Variants in FMN1 observed in about 807,000 individuals in gnomAD.
FMN1 encodes formin 1.
FMN1 carries 110 observed loss-of-function variants against 132.4 expected under a neutral mutation model. The ratio of observed to expected loss-of-function variants is 0.83; its 90% CI spans 0.71 to 0.97. The LOEUF (loss-of-function observed/expected upper bound fraction) is 0.97, where lower values mean the gene tolerates loss of function less well. Ranked by LOEUF, FMN1 falls within the 50% of genes least tolerant of loss-of-function variation. The pLI is 0.00. For synonymous variants in FMN1, 722 were observed against 651.7 expected, an observed-to-expected ratio of 1.11 and a Z score of -1.64; for missense variants, 1,792 against 1,705.3, an observed-to-expected ratio of 1.05 and a Z score of -0.90.
chr15:32,793,913 T>A lies in FMN1; in HGVS notation c.4130+4891A>T, dbSNP rs117880368. Among the ~76,000 whole-genome samples the A allele has an allele frequency of 1.9e-3, 292 of 152,324 alleles. 1 individual carries two copies. Among genetic ancestry groups the A allele is most frequent in the Admixed American group, 3.1e-3 (48 of 15,302 alleles). On this transcript the variant is annotated intron_variant, in intron 19 of 20. Transcript: ENST00000616417. ...ATGGAGCTTTTTCTAGGAGTAAGTT[T>A]ATCATGTAAAGAAAAGAATTCCTGT...
intron 19 of FMN1, among the ~76,000 whole-genome samples, chr15:32,784,822 A>T (rs939202465): frequency 6.6e-6 from 1 of 152,140 alleles, no homozygotes; most frequent in Non-Finnish European, 1.5e-5. Context: ...ACATTTCATT[A>T]TGATTCATTT....
chr15:33,073,536 G>A (rs910309106), intron 5 of FMN1, among the ~76,000 whole-genome samples: 5 of 152,130 alleles, frequency 3.3e-5, no homozygotes, highest in African/African-American at 4.8e-5. Context: ...TTCAGGAAGC[G>A]TGTTTTAATT....
chr15:32,878,771 T>C (rs766644114), intron 16 of FMN1, among the ~76,000 whole-genome samples: 8 of 152,248 alleles, frequency 5.3e-5, no homozygotes, highest in Non-Finnish European at 8.8e-5. Flanking sequence ...TCAGGACTTC[T>C]GACCCAGACT....
At chr15:33,077,804 A>AC (rs1363428299) in intron 5 of FMN1, among the ~76,000 whole-genome samples, 1 of 151,688 alleles carries the variant, frequency 6.6e-6, no homozygotes, top group Non-Finnish European at 1.5e-5. Context: ...AAAAAAAAAA[A>AC]AAAACATCAA....
In FMN1 at chr15:32,983,936, G is replaced by A. The variant is rs376910038; in HGVS notation, c.2224-14459C>T. Among the ~76,000 whole-genome samples the A allele has an allele frequency of 3.3e-5, 5 of 152,296 alleles. No individual in the cohort carries two copies. In the East Asian group the frequency reaches 9.6e-4, roughly 29 times the overall value. On this transcript the variant is annotated intron_variant, in intron 7 of 20. Coordinates refer to ENST00000616417, the MANE Select transcript of FMN1 (RefSeq NM_001277313.2). ...AGTATCATTCTTACATTGCAGCTAC[G>A]TGGGAACATGGCCAGGCAAGGGGGT...
At chr15:32,908,829 T>C (rs2060491262) in intron 11 of FMN1, among the ~76,000 whole-genome samples, 2 of 152,134 alleles carry the variant, frequency 1.3e-5, no homozygotes, top group South Asian at 4.1e-4. Context: ...TGAGATTCAA[T>C]GCAAATGGAC....
At chr15:32,786,615 T>C (rs1426904044) in intron 19 of FMN1, among the ~76,000 whole-genome samples, 1 of 152,188 alleles carries the variant, frequency 6.6e-6, no homozygotes, top group Non-Finnish European at 1.5e-5. Context: ...ATATAGACTT[T>C]GGGGCATCAG....
chr15:33,128,828 T>C (rs1963392917), intron 4 of FMN1, among the ~76,000 whole-genome samples: 1 of 152,194 alleles, frequency 6.6e-6, no homozygotes, highest in African/African-American at 2.4e-5. Context: ...TAACAAAGCC[T>C]CCGCAATGCG....
At position 33,081,038 on chromosome 15, in the gene FMN1, G is replaced by A. The variant is rs190670448; in HGVS notation, c.2043+7761C>T. On this transcript the variant is annotated intron_variant, in intron 5 of 20. Coordinates refer to ENST00000616417, the MANE Select transcript of FMN1 (RefSeq NM_001277313.2). ...TTTACCAGATGTGGCAATAACTCAA[G>A]CCACTCGGACAAGTCACACAGATGT... Among the ~76,000 whole-genome samples, 637 of 152,266 alleles carry A rather than the reference G, an allele frequency of 4.2e-3. 25 individuals are homozygous for A. In the South Asian group the frequency reaches 0.087, roughly 21 times the overall value.
At chr15:32,850,008 C>T (rs1567269109) in intron 17 of FMN1, among the ~76,000 whole-genome samples, 3 of 152,148 alleles carry the variant, frequency 2.0e-5, no homozygotes, top group African/African-American at 4.8e-5. Flanking sequence ...TTAAGTGATC[C>T]GGAAGTCACA....
intron 15 of FMN1, among the ~76,000 whole-genome samples, chr15:32,891,034 G>C (rs1043392541): frequency 1.3e-5 from 2 of 152,170 alleles, no homozygotes; most frequent in African/African-American, 4.8e-5. Flanking sequence ...CTTTGTTGAA[G>C]ATCAGTTGGC....
chr15:32,856,913 G>C (rs2059144966), intron 17 of FMN1, 102 bp downstream of exon 17: 6 of 778,050 alleles, frequency 7.7e-6, no homozygotes, highest in South Asian at 6.3e-5. Flanking sequence ...AGAGCTGCCT[G>C]TGGTCAGCCA....
Position 33,105,286 on chromosome 15 carries a change from T to A in FMN1, c.1868-16312A>T, listed in dbSNP as rs557735861. ...AAACAAAGACTTTCCTTGGGCCACT[T>A]TGAGATCCTCCTGTCAAGAAAAAAA... is the stretch of plus-strand genomic sequence containing the variant. On this transcript the variant is annotated intron_variant, in intron 4 of 20. Coordinates refer to ENST00000616417, the MANE Select transcript of FMN1 (RefSeq NM_001277313.2). Among the ~76,000 whole-genome samples, 195 of 152,130 alleles carry A rather than the reference T, an allele frequency of 1.3e-3. 2 individuals are homozygous for A. Among genetic ancestry groups the A allele is most frequent in the South Asian group, 0.011 (52 of 4,818 alleles).
chr15:32,898,368 T>C (rs1308158592), intron 15 of FMN1, among the ~76,000 whole-genome samples: 1 of 152,244 alleles, frequency 6.6e-6, no homozygotes, highest in Non-Finnish European at 1.5e-5. Context: ...TTATTTCTAA[T>C]TGCAAATGCC....
At chr15:32,952,419 CTTTG>C (rs2061673995) in intron 9 of FMN1, among the ~76,000 whole-genome samples, 1 of 152,118 alleles carries the variant, frequency 6.6e-6, no homozygotes, top group Non-Finnish European at 1.5e-5. Flanking sequence ...ATAAATCTTT[CTTTG>C]TTAATTAATG....
intron 4 of FMN1, among the ~76,000 whole-genome samples, chr15:33,111,033 T>C (rs892646847): frequency 2.0e-5 from 3 of 152,160 alleles, no homozygotes; most frequent in African/African-American, 7.2e-5. Flanking sequence ...ATTCAAATGT[T>C]AGTTTTACAT....
intron 7 of FMN1, among the ~76,000 whole-genome samples, chr15:32,982,776 C>T (rs750553795): frequency 6.6e-6 from 1 of 152,066 alleles, no homozygotes; most frequent in Non-Finnish European, 1.5e-5. Flanking sequence ...CCTGTCTTTA[C>T]ACCTGAACTC....
intron 4 of FMN1, among the ~76,000 whole-genome samples, chr15:33,123,281 A>T (rs4780082): frequency 6.6e-6 from 1 of 151,506 alleles, no homozygotes; most frequent in Non-Finnish European, 1.5e-5. Context: ...CCAAATCAAA[A>T]CTGGGGTCAT....
chr15:33,155,145 G>C (rs1964622011), intron 3 of FMN1, 100 bp from the exon 4 acceptor site: 1 of 436,900 alleles, frequency 2.3e-6, no homozygotes, highest in South Asian at 3.6e-5. Flanking sequence ...TCCTTCCTCT[G>C]TGGCTGACCT....
Sources: allele counts gnomAD v4.1 joint callset (sites outside exome capture counted in the v4.1 genomes callset), GRCh38; gene constraint gnomAD v4.1.1; transcripts MANE v1.5; gene names NCBI Gene and HGNC (gene_info 2026-07-23, HGNC 2026-07-21).